SNX24: variants seen among roughly 807,000 people sequenced by gnomAD.
The protein encoded by SNX24 is sorting nexin-24.
Under a neutral mutation model 28.7 loss-of-function variants are expected in SNX24, and 22 were observed. That is an observed-to-expected ratio of 0.77 (90% CI 0.55 to 1.10). The LOEUF (loss-of-function observed/expected upper bound fraction) is 1.10, where lower values mean the gene tolerates loss of function less well. Ranked by LOEUF, SNX24 falls within the 50% of genes least tolerant of loss-of-function variation. The pLI is 0.00. For missense variants in SNX24, 221 were observed against 201.1 expected (o/e 1.10, Z -0.60); for synonymous variants, 69 against 71.5 (o/e 0.96, Z 0.18).
At chr5:122,859,686 T>G (rs1357093237) in intron 1 of SNX24, among the ~76,000 whole-genome samples, 1 of 152,176 alleles carries the variant, frequency 6.6e-6, no homozygotes, top group East Asian at 1.9e-4. Flanking sequence ...CAAATATGAG[T>G]GACCATGGCC....
At chr5:122,946,679 ACT>A in intron 3 of SNX24, among the ~76,000 whole-genome samples, 1 of 152,254 alleles carries the variant, frequency 6.6e-6, no homozygotes, top group South Asian at 2.1e-4. Context: ...GCACTGGGAC[ACT>A]CTTTTCTGCA....
At chr5:122,860,741 C>T (rs901097247) in intron 1 of SNX24, among the ~76,000 whole-genome samples, 2 of 151,920 alleles carry the variant, frequency 1.3e-5, no homozygotes, top group South Asian at 2.1e-4. Flanking sequence ...GGACTACAGG[C>T]GCCTGCCACC....
At chr5:122,981,441 G>A (rs1338570917) in intron 3 of SNX24, among the ~76,000 whole-genome samples, 1 of 152,018 alleles carries the variant, frequency 6.6e-6, no homozygotes, top group African/African-American at 2.4e-5. Context: ...GTTTTACTGA[G>A]GTATAATTTA....
chr5:122,977,357 C>T (rs988351720), intron 3 of SNX24, among the ~76,000 whole-genome samples: 1 of 142,220 alleles, frequency 7.0e-6, no homozygotes, highest in African/African-American at 2.6e-5. Flanking sequence ...AATACATACA[C>T]TTTCTCATAA....
At chr5:122,918,096 A>G (rs1200426066) in intron 1 of SNX24, among the ~76,000 whole-genome samples, 9 of 151,960 alleles carry the variant, frequency 5.9e-5, no homozygotes, top group African/African-American at 1.7e-4. Flanking sequence ...AATAATAAAC[A>G]AATAAATAAA....
intron 5 of SNX24, chr5:123,023,326 G>C (rs1318161782): frequency 6.6e-6 from 1 of 152,164 alleles, no homozygotes; most frequent in South Asian, 2.1e-4. Flanking sequence ...TAGAGTGTGT[G>C]TATTTTTGTA....
At chr5:122,982,882 A>G (rs1349084005) in intron 3 of SNX24, 1 of 152,174 alleles carries the variant, frequency 6.6e-6, no homozygotes, top group Admixed American at 6.5e-5. Flanking sequence ...TACATTAAAT[A>G]TTGTGTAGGC....
chr5:123,014,658 A>C (rs79078242), intron 5 of SNX24, among the ~76,000 whole-genome samples: 2,704 of 152,284 alleles, frequency 0.018, 48 homozygotes, highest in Non-Finnish European at 0.023. Context: ...CATTCTCGAC[A>C]CAAAAACCAG....
At chr5:122,910,639 C>A (rs1757842264) in intron 1 of SNX24, among the ~76,000 whole-genome samples, 1 of 117,418 alleles carries the variant, frequency 8.5e-6, no homozygotes, top group Non-Finnish European at 1.7e-5. Flanking sequence ...CCACAACAGT[C>A]CCCAGAGTGT....
chr5:122,995,499 C>T (rs1166870745), intron 3 of SNX24, among the ~76,000 whole-genome samples: 1 of 152,032 alleles, frequency 6.6e-6, no homozygotes, highest in Non-Finnish European at 1.5e-5. Flanking sequence ...ATAATATTGC[C>T]TTAAGTGGGG....
chr5:122,966,728 TCTC>T (rs1353357974), intron 3 of SNX24, among the ~76,000 whole-genome samples: 1 of 152,142 alleles, frequency 6.6e-6, no homozygotes, highest in African/African-American at 2.4e-5. Flanking sequence ...TGAGCACTAG[TCTC>T]CTTTCCTTAC....
chr5:122,872,779 AC>A (rs1415634332), intron 1 of SNX24, among the ~76,000 whole-genome samples: 3 of 151,444 alleles, frequency 2.0e-5, no homozygotes, highest in Admixed American at 6.6e-5. Context: ...ACCCACAGAT[AC>A]TGAGGGCCGA....
chr5:123,001,431 A>G lies in SNX24; in HGVS notation c.371A>G (p.Glu124Gly). 6.2e-7 allele frequency: 1 copy of G among 1,605,272 alleles called. No homozygotes were observed. The highest frequency in any genetic ancestry group is 8.5e-7 in the Non-Finnish European group (1 of 1,172,840). Reference sequence around the variant, plus strand: ...TCTTTTGATGAAACAGAGTCTGAAGAGTCAAGGTAAGGACTAATCCTCATC... The same window carrying G: ...TCTTTTGATGAAACAGAGTCTGAAGGGTCAAGGTAAGGACTAATCCTCATC... Reference protein sequence around the residue: ...CGSFDETESEESSKLSHQPVL... With the variant: ...CGSFDETESEGSSKLSHQPVL... The change falls in exon 5 of 7, where the codon GAG becomes GGG. Residue 124 changes from glutamate (E) to glycine (G), a missense_variant. Transcript: ENST00000261369.
intron 3 of SNX24, among the ~76,000 whole-genome samples, chr5:122,988,841 G>A (rs556994804): frequency 5.3e-5 from 8 of 152,122 alleles, no homozygotes; most frequent in East Asian, 1.9e-4. Flanking sequence ...AACTTTTTAT[G>A]TATTAGGCCT....
chr5:123,012,908 A>C (rs1762615595), downstream of SNX24, among the ~76,000 whole-genome samples: 1 of 152,214 alleles, frequency 6.6e-6, no homozygotes, highest in African/African-American at 2.4e-5. Flanking sequence ...GTCCTTGGGT[A>C]GTTAGAAACA....
intron 2 of SNX24, among the ~76,000 whole-genome samples, chr5:122,943,732 C>T (rs368020503): frequency 1.3e-5 from 2 of 152,316 alleles, no homozygotes; most frequent in South Asian, 4.1e-4. Flanking sequence ...TCATACAATA[C>T]ACAATGTAAT....
intron 3 of SNX24, among the ~76,000 whole-genome samples, chr5:122,976,444 A>C (rs1761168361): frequency 6.6e-6 from 1 of 152,198 alleles, no homozygotes; most frequent in Non-Finnish European, 1.5e-5. Flanking sequence ...AAATAACATG[A>C]GTTTAGTAAT....
At chr5:122,933,115 T>G (rs1001855937) in intron 1 of SNX24, among the ~76,000 whole-genome samples, 5 of 152,290 alleles carry the variant, frequency 3.3e-5, no homozygotes, top group African/African-American at 9.6e-5. Context: ...TGGAAACAAT[T>G]TGATCTCTTC....
chr5:122,866,632 G>T (rs1755733112), intron 1 of SNX24, among the ~76,000 whole-genome samples: 1 of 152,026 alleles, frequency 6.6e-6, no homozygotes, highest in South Asian at 2.1e-4. Flanking sequence ...TTAATTACAG[G>T]GTACAGTAAT....
Sources: gnomAD v4.1 joint callset for allele counts (sites outside exome capture counted in the v4.1 genomes callset) on GRCh38, gnomAD v4.1.1 for gene constraint, MANE v1.5 for transcripts, NCBI Gene and HGNC (gene_info 2026-07-23, HGNC 2026-07-21) for gene names.